ANKRD30B: variants seen among roughly 807,000 people sequenced by gnomAD.
ANKRD30B encodes ankyrin repeat domain-containing protein 30B.
In ANKRD30B, 144 loss-of-function variants were observed where a neutral mutation model predicts 202.2. The observed-to-expected ratio is 0.71, with a 90% confidence interval of 0.62 to 0.82. The LOEUF is 0.82. ANKRD30B is among the 40% of genes least tolerant of loss of function. The pLI, the probability that ANKRD30B is intolerant of heterozygous loss-of-function variation, is 0.00. For synonymous variants in ANKRD30B, 508 were observed against 561.3 expected (o/e 0.91, Z 1.34); for missense variants, 1,487 against 1,669.1 (o/e 0.89, Z 1.90).
the ANKRD30B span, among the ~76,000 whole-genome samples, chr18:14,898,037 C>T: frequency 6.6e-6 from 1 of 152,188 alleles, no homozygotes; most frequent in African/African-American, 2.4e-5. Context: ...TCGTGCACTA[C>T]CGGAGTGCAG....
At chr18:14,799,786 T>C (rs976003569) in intron 22 of ANKRD30B, among the ~76,000 whole-genome samples, 1 of 152,004 alleles carries the variant, frequency 6.6e-6, no homozygotes, top group African/African-American at 2.4e-5. Context: ...TAAAAATCAT[T>C]ACTTGATGAT....
chr18:14,861,807 A>T, the ANKRD30B span, among the ~76,000 whole-genome samples: 1 of 152,166 alleles, frequency 6.6e-6, no homozygotes, highest in Non-Finnish European at 1.5e-5. Flanking sequence ...TCTACAGAAT[A>T]CTCCACCCAG....
the ANKRD30B span, among the ~76,000 whole-genome samples, chr18:14,902,682 C>G: frequency 8.6e-4 from 131 of 152,266 alleles, 1 homozygote; most frequent in South Asian, 7.3e-3. Context: ...AGTTCCTCAG[C>G]CGTGAGACAA....
intron 9 of ANKRD30B, among the ~76,000 whole-genome samples, chr18:14,775,400 A>G (rs1967294686): frequency 6.6e-6 from 1 of 152,236 alleles, no homozygotes; most frequent in African/African-American, 2.4e-5. Flanking sequence ...GATGTACAAA[A>G]GCTCTAATTG....
At chr18:14,815,968 C>T (rs1435311142) in intron 30 of ANKRD30B, among the ~76,000 whole-genome samples, 1 of 152,086 alleles carries the variant, frequency 6.6e-6, no homozygotes. Context: ...AGTATATATC[C>T]AAGCTGATCA....
At chr18:14,920,310 A>G in the ANKRD30B span, among the ~76,000 whole-genome samples, 81 of 152,316 alleles carry the variant, frequency 5.3e-4, no homozygotes, top group African/African-American at 1.8e-3. Context: ...ACTCACTTTG[A>G]CTTTGGCTTT....
chr18:14,856,562 T>A (rs1340221692), downstream of ANKRD30B, among the ~76,000 whole-genome samples: 18 of 87,602 alleles, frequency 2.1e-4, no homozygotes, highest in African/African-American at 2.5e-4. Context: ...CGCTCCTCAC[T>A]TCCCAGATGG....
chr18:14,881,453 TC>T, the ANKRD30B span, among the ~76,000 whole-genome samples: 1 of 152,216 alleles, frequency 6.6e-6, no homozygotes, highest in Non-Finnish European at 1.5e-5. Flanking sequence ...TGGTGGATTA[TC>T]TTTTTGATAT....
intron 42 of ANKRD30B, among the ~76,000 whole-genome samples, chr18:14,853,304 A>G (rs1971962454): frequency 1.3e-5 from 2 of 152,270 alleles, no homozygotes; most frequent in East Asian, 1.9e-4. Context: ...AGTACAAAAG[A>G]AGTGAGTAGA....
At chr18:14,882,928 T>C in the ANKRD30B span, among the ~76,000 whole-genome samples, 7 of 152,334 alleles carry the variant, frequency 4.6e-5, no homozygotes, top group Admixed American at 4.6e-4. Flanking sequence ...TAGCTACTGC[T>C]GCTCGCTTTT....
At chr18:14,881,410 T>A in the ANKRD30B span, among the ~76,000 whole-genome samples, 12 of 152,204 alleles carry the variant, frequency 7.9e-5, no homozygotes, top group Non-Finnish European at 1.5e-4. Context: ...GTTAAACCAT[T>A]CCTGTATCAT....
chr18:14,792,315 G>A (rs1017211495), intron 16 of ANKRD30B, among the ~76,000 whole-genome samples: 1 of 152,100 alleles, frequency 6.6e-6, no homozygotes, highest in African/African-American at 2.4e-5. Context: ...GGACAGAAAA[G>A]GGTCAGGAGA....
chr18:14,896,888 A>T, the ANKRD30B span, among the ~76,000 whole-genome samples: 1 of 151,034 alleles, frequency 6.6e-6, no homozygotes, highest in Non-Finnish European at 1.5e-5. Flanking sequence ...TAATAAATAT[A>T]TACAAAAATT....
At chr18:14,880,780 C>A in the ANKRD30B span, among the ~76,000 whole-genome samples, 38 of 152,036 alleles carry the variant, frequency 2.5e-4, no homozygotes, top group African/African-American at 9.2e-4. Flanking sequence ...CTGTAGAGGT[C>A]TTTTGATTCC....
At chr18:14,886,784 C>A in the ANKRD30B span, among the ~76,000 whole-genome samples, 1 of 152,064 alleles carries the variant, frequency 6.6e-6, no homozygotes, top group Non-Finnish European at 1.5e-5. Context: ...TCCCCCTCTG[C>A]CCTCAATATG....
chr18:14,811,424 G>A (rs1969915564), intron 28 of ANKRD30B, among the ~76,000 whole-genome samples: 2 of 151,080 alleles, frequency 1.3e-5, no homozygotes, highest in African/African-American at 4.9e-5. Flanking sequence ...TGTTAGCCAG[G>A]ATGGTCTTGA....
Position 14,808,658 on chromosome 18 carries a change from C to T in ANKRD30B, c.2314-14C>T. The T allele has an allele frequency of 6.5e-7, 1 of 1,544,052 alleles. No individual in the cohort carries two copies. Among genetic ancestry groups the T allele is most frequent in the Non-Finnish European group, 8.7e-7 (1 of 1,143,290 alleles). ...ACATTATATATTAATTTTTGTGTTTCCAAACCCATTTAGCCTACCTGTGGA... is the reference window on the plus strand; with the variant it reads ...ACATTATATATTAATTTTTGTGTTTTCAAACCCATTTAGCCTACCTGTGGA... On this transcript the variant is annotated splice_polypyrimidine_tract_variant and intron_variant, in intron 25 of 43. Transcript: ENST00000690538.
the ANKRD30B span, among the ~76,000 whole-genome samples, chr18:14,914,196 C>T: frequency 4.6e-5 from 7 of 152,216 alleles, no homozygotes; most frequent in African/African-American, 1.7e-4. Flanking sequence ...CATTGATAAT[C>T]TTTCTCTGTT....
chr18:14,896,738 A>G, the ANKRD30B span, among the ~76,000 whole-genome samples: 1 of 140,398 alleles, frequency 7.1e-6, no homozygotes, highest in Non-Finnish European at 1.5e-5. Context: ...ATTGTAGGCT[A>G]CAAATGCTGG....
Sources: gnomAD v4.1 joint callset for allele counts (sites outside exome capture counted in the v4.1 genomes callset) on GRCh38, gnomAD v4.1.1 for gene constraint, MANE v1.5 for transcripts, NCBI Gene and HGNC (gene_info 2026-07-23, HGNC 2026-07-21) for gene names.